CHN2: variants seen among roughly 807,000 people sequenced by gnomAD.
CHN2 encodes chimerin 2, also known as beta-chimaerin.
Under a neutral mutation model 56.3 loss-of-function variants are expected in CHN2, and 35 were observed. That is an observed-to-expected ratio of 0.62 (90% CI 0.47 to 0.82). The LOEUF is 0.82. Among genes scored for constraint, CHN2 ranks in the 40% least tolerant of loss-of-function variants. The pLI, the probability that CHN2 is intolerant of heterozygous loss-of-function variation, is 0.00. For synonymous variants in CHN2, 210 were observed against 212.8 expected, an observed-to-expected ratio of 0.99 and a Z score of 0.12; for missense variants, 491 against 580.5, an observed-to-expected ratio of 0.85 and a Z score of 1.58.
chr7:29,489,707 G>A (rs1788436669), intron 7 of CHN2, among the ~76,000 whole-genome samples: 1 of 152,108 alleles, frequency 6.6e-6, no homozygotes, highest in Non-Finnish European at 1.5e-5. Flanking sequence ...GGGACTGTGT[G>A]GGGACACTGG....
intron 1 of CHN2, among the ~76,000 whole-genome samples, chr7:29,329,411 T>C (rs984473392): frequency 8.0e-6 from 1 of 124,812 alleles, no homozygotes; most frequent in African/African-American, 3.1e-5. Flanking sequence ...AAGTCAGCAA[T>C]TGGGACAGTG....
intron 2 of CHN2, 54 bp downstream of exon 2, chr7:29,354,717 T>C: frequency 1.3e-6 from 2 of 1,533,326 alleles, no homozygotes; most frequent in Non-Finnish European, 1.8e-6. Flanking sequence ...CCAGCCTTTC[T>C]GAACAATTCT....
chr7:29,408,204 AAT>A, intron 6 of CHN2, among the ~76,000 whole-genome samples: 1 of 147,698 alleles, frequency 6.8e-6, no homozygotes, highest in Admixed American at 6.8e-5. Context: ...AAAAAAAATA[AAT>A]TAAATTAAAA....
At chr7:29,410,744 AGT>A (rs1803130603) in intron 6 of CHN2, among the ~76,000 whole-genome samples, 1 of 152,110 alleles carries the variant, frequency 6.6e-6, no homozygotes, top group African/African-American at 2.4e-5. Context: ...GTTGAAGGAG[AGT>A]GTTATTATTT....
chr7:29,357,051 G>A (rs2128024874), intron 2 of CHN2, among the ~76,000 whole-genome samples: 1 of 152,278 alleles, frequency 6.6e-6, no homozygotes, highest in African/African-American at 2.4e-5. Context: ...GAGACCTTGG[G>A]CCACCCAGTA....
chr7:29,423,073 A>T (rs142773443), intron 6 of CHN2, among the ~76,000 whole-genome samples: 1 of 152,298 alleles, frequency 6.6e-6, no homozygotes, highest in African/African-American at 2.4e-5. Context: ...GCGTTATATA[A>T]ATTGCTATAG....
chr7:29,149,241 G>A (rs1250307919), intron 2 of CHN2, among the ~76,000 whole-genome samples: 2 of 133,886 alleles, frequency 1.5e-5, no homozygotes, highest in African/African-American at 5.6e-5. Flanking sequence ...CGCCCAGGCT[G>A]GACTGCAATG....
chr7:29,147,726 A>T (rs2128684387), intron 2 of CHN2, among the ~76,000 whole-genome samples: 1 of 152,322 alleles, frequency 6.6e-6, no homozygotes, highest in South Asian at 2.1e-4. Flanking sequence ...TAAGGCCAAA[A>T]TCAGCCCACC....
At chr7:29,468,492 G>A (rs1785758536) in intron 6 of CHN2, among the ~76,000 whole-genome samples, 1 of 152,072 alleles carries the variant, frequency 6.6e-6, no homozygotes, top group African/African-American at 2.4e-5. Flanking sequence ...TTATTATGTG[G>A]GGTGTGGTTT....
At chr7:29,380,265 G>A (rs1230604289) in intron 3 of CHN2, among the ~76,000 whole-genome samples, 1 of 146,962 alleles carries the variant, frequency 6.8e-6, no homozygotes. Context: ...CACCCCTAAA[G>A]TGGAGAAATT....
rs1226700220 is a variant in CHN2, at chr7:29,319,650, C to T, written c.50-34975C>T. 4.6e-5 allele frequency among the ~76,000 whole-genome samples: 7 copies of T among 152,288 alleles called. No individual in the cohort carries two copies. The South Asian group carries it at 8.3e-4, about 18-fold the overall frequency. ...ATAACACTAGGTTAGCATGAGATTTCGCTGTCAGATTAGCACTCCCGAGTT... is the reference window on the plus strand; with the variant it reads ...ATAACACTAGGTTAGCATGAGATTTTGCTGTCAGATTAGCACTCCCGAGTT... On this transcript the variant is annotated intron_variant, in intron 1 of 12. Transcript: ENST00000222792.
At chr7:29,296,719 C>A (rs1584991572) in intron 1 of CHN2, among the ~76,000 whole-genome samples, 2 of 152,116 alleles carry the variant, frequency 1.3e-5, no homozygotes, top group East Asian at 3.8e-4. Context: ...TATGTGTACT[C>A]CATTGAAAAA....
At chr7:29,328,801 A>G (rs1795997708) in intron 1 of CHN2, among the ~76,000 whole-genome samples, 1 of 152,192 alleles carries the variant, frequency 6.6e-6, no homozygotes, top group Non-Finnish European at 1.5e-5. Flanking sequence ...AAATGCTTAC[A>G]ATAGCCTAAA....
At chr7:29,198,107 T>C (rs1343479276) in intron 1 of CHN2, 1 of 453,142 alleles carries the variant, frequency 2.2e-6, no homozygotes, top group Non-Finnish European at 4.4e-6. Flanking sequence ...AGGTTTTCTT[T>C]CTGTTCAGGT....
chr7:29,419,204 A>G (rs1360308471), intron 6 of CHN2, among the ~76,000 whole-genome samples: 1 of 152,204 alleles, frequency 6.6e-6, no homozygotes, highest in Non-Finnish European at 1.5e-5. Flanking sequence ...ATCACCACCA[A>G]TTTACACCTA....
intron 6 of CHN2, among the ~76,000 whole-genome samples, chr7:29,405,462 C>G (rs1404314541): frequency 6.6e-6 from 1 of 152,136 alleles, no homozygotes; most frequent in African/African-American, 2.4e-5. Flanking sequence ...CATTGCCTCC[C>G]CTGACACACA....
At chr7:29,491,079 T>C (rs1214083127) in intron 7 of CHN2, among the ~76,000 whole-genome samples, 1 of 152,162 alleles carries the variant, frequency 6.6e-6, no homozygotes, top group African/African-American at 2.4e-5. Flanking sequence ...CAAAATTATA[T>C]ACTTCTGGTA....
chr7:29,498,758 C>CTTGTTTTTTTT (rs1789588456), intron 8 of CHN2, among the ~76,000 whole-genome samples: 1 of 100,078 alleles, frequency 1.0e-5, no homozygotes, highest in African/African-American at 4.3e-5. Context: ...ACTATGCTGC[C>CTTGTTTTTTTT]TTTTTTTTTT....
At chr7:29,407,037 C>T (rs1435456667) in intron 6 of CHN2, among the ~76,000 whole-genome samples, 1 of 152,148 alleles carries the variant, frequency 6.6e-6, no homozygotes, top group African/African-American at 2.4e-5. Flanking sequence ...TCTCCCGCAC[C>T]GTCTCTCAGC....
Sources: gnomAD v4.1 joint callset for allele counts (sites outside exome capture counted in the v4.1 genomes callset) on GRCh38, gnomAD v4.1.1 for gene constraint, MANE v1.5 for transcripts, NCBI Gene and HGNC (gene_info 2026-07-23, HGNC 2026-07-21) for gene names.